The following LTBP2 variants were observed in gnomAD, a reference collection of about 807,000 sequenced individuals.
The protein encoded by LTBP2 is latent-transforming growth factor beta-binding protein 2.
LTBP2 carries 103 observed loss-of-function variants against 210.6 expected under a neutral mutation model. That is an observed-to-expected ratio of 0.49 (90% CI 0.42 to 0.58). The LOEUF (loss-of-function observed/expected upper bound fraction) is 0.58, where lower values mean the gene tolerates loss of function less well. Among genes scored for constraint, LTBP2 ranks in the 20% least tolerant of loss-of-function variants. The pLI is 0.00. For synonymous variants in LTBP2, 1,007 were observed against 1,015.0 expected (o/e 0.99, Z 0.15); for missense variants, 2,313 against 2,494.5 (o/e 0.93, Z 1.55).
chr14:74,601,964 T>C (rs556854997), intron 2 of LTBP2, among the ~76,000 whole-genome samples: 43 of 152,258 alleles, frequency 2.8e-4, no homozygotes, highest in African/African-American at 1.0e-3. Context: ...GGCAGTCACC[T>C]GAAGGATAGT....
At chr14:74,519,659 G>C (rs1242753868) in intron 17 of LTBP2, among the ~76,000 whole-genome samples, 1 of 152,116 alleles carries the variant, frequency 6.6e-6, no homozygotes, top group African/African-American at 2.4e-5. Flanking sequence ...TGGTACCCAA[G>C]CCCCACTGGG....
At chr14:74,526,537 C>G (rs2139716078) in intron 13 of LTBP2, among the ~76,000 whole-genome samples, 1 of 152,310 alleles carries the variant, frequency 6.6e-6, no homozygotes, top group East Asian at 1.9e-4. Context: ...TGTCCCTCAA[C>G]ATAGCCAGTG....
At chr14:74,599,536 G>A (rs766018946) in intron 2 of LTBP2, among the ~76,000 whole-genome samples, 5 of 152,230 alleles carry the variant, frequency 3.3e-5, no homozygotes, top group Non-Finnish European at 5.9e-5. Context: ...GGCAGGGCCC[G>A]GCAGGCCGCA....
At chr14:74,545,280 C>T (rs954213308) in intron 8 of LTBP2, among the ~76,000 whole-genome samples, 2 of 152,192 alleles carry the variant, frequency 1.3e-5, no homozygotes, top group African/African-American at 2.4e-5. Context: ...CCATTTTCCT[C>T]ATCCATCAAA....
chr14:74,576,157 A>G (rs368427715), intron 3 of LTBP2, among the ~76,000 whole-genome samples: 38 of 152,292 alleles, frequency 2.5e-4, no homozygotes, highest in African/African-American at 9.1e-4. Flanking sequence ...AGGAAGCACC[A>G]CCTGTTGGGA....
intron 1 of LTBP2, 42 bp downstream of exon 1, chr14:74,611,409 G>T: frequency 7.1e-7 from 1 of 1,417,844 alleles, no homozygotes. Context: ...ATGAGCCCTG[G>T]CTCCCCTCTG....
Position 74,560,629 on chromosome 14 carries a change from CCT to C in LTBP2, c.831-4938_831-4937del, listed in dbSNP as rs1319403500. Among the ~76,000 whole-genome samples, 5 of 152,238 alleles carry C rather than the reference CCT, an allele frequency of 3.3e-5. No individual in the cohort carries two copies. In the South Asian group the frequency reaches 6.2e-4, roughly 19 times the overall value. ...ACCCTCACCCTAGCCTGGCTGCTCT[CCT>C]CTATTTACTTCATAAATCGGGCTTC... On this transcript the variant is annotated intron_variant, in intron 3 of 35. Coordinates refer to ENST00000261978, the MANE Select transcript of LTBP2 (RefSeq NM_000428.3).
intron 28 of LTBP2, 77 bp from the exon 29 acceptor site, chr14:74,505,251 A>G: frequency 2.0e-6 from 3 of 1,504,564 alleles, no homozygotes; most frequent in Non-Finnish European, 2.7e-6. Flanking sequence ...TTTATTTCTT[A>G]AATTTAACAT....
intron 3 of LTBP2, among the ~76,000 whole-genome samples, chr14:74,557,959 G>T (rs934240154): frequency 3.9e-5 from 6 of 152,174 alleles, no homozygotes; most frequent in African/African-American, 1.4e-4. Context: ...TCCCCCAGTA[G>T]GTCCCATGCC....
chr14:74,563,171 A>C (rs182273254), intron 3 of LTBP2, among the ~76,000 whole-genome samples: 1 of 152,090 alleles, frequency 6.6e-6, no homozygotes, highest in Non-Finnish European at 1.5e-5. Context: ...TCTATCCTCA[A>C]TCAGGTCAAA....
At chr14:74,506,550 A>C in intron 27 of LTBP2, 148 bp downstream of exon 27, 1 of 1,299,816 alleles carries the variant, frequency 7.7e-7, no homozygotes, top group Non-Finnish European at 1.1e-6. Flanking sequence ...CTGGGCGAGG[A>C]GTTGAAGTCT....
At chr14:74,567,417 G>A (rs913635614) in intron 3 of LTBP2, among the ~76,000 whole-genome samples, 3 of 152,184 alleles carry the variant, frequency 2.0e-5, no homozygotes, top group African/African-American at 4.8e-5. Flanking sequence ...GAGCCAGAGC[G>A]AGCTGCCTGG....
chr14:74,503,729 C>T, intron 31 of LTBP2, 123 bp from the exon 32 acceptor site: 9 of 1,391,630 alleles, frequency 6.5e-6, no homozygotes, highest in Non-Finnish European at 8.5e-6. Flanking sequence ...CCCCTCAACC[C>T]AGCCCAGCCT....
intron 1 of LTBP2, among the ~76,000 whole-genome samples, chr14:74,604,027 T>C (rs1042771445): frequency 5.9e-5 from 9 of 151,930 alleles, no homozygotes; most frequent in African/African-American, 1.9e-4. Context: ...ACAATGACAG[T>C]GATCCTAAAG....
chr14:74,533,819 C>T (rs552999865), intron 9 of LTBP2, among the ~76,000 whole-genome samples: 32 of 152,324 alleles, frequency 2.1e-4, no homozygotes, highest in African/African-American at 7.7e-4. Flanking sequence ...TCAGCCCTCA[C>T]AATCTAAGAT....
chr14:74,531,985 C>T (rs1028136324), intron 10 of LTBP2, among the ~76,000 whole-genome samples: 3 of 152,190 alleles, frequency 2.0e-5, no homozygotes, highest in Non-Finnish European at 4.4e-5. Context: ...TGTGGAAAGG[C>T]CCTCGGGTCG....
chr14:74,515,982 AG>A (rs1595247295), intron 18 of LTBP2, among the ~76,000 whole-genome samples: 1 of 152,236 alleles, frequency 6.6e-6, no homozygotes, highest in African/African-American at 2.4e-5. Context: ...TGGGAAGGGA[AG>A]CTGTCCTTTC....
chr14:74,509,181 A>G (rs2087035205), intron 22 of LTBP2, 57 bp downstream of exon 22: 3 of 1,612,268 alleles, frequency 1.9e-6, no homozygotes, highest in South Asian at 2.2e-5. Context: ...GGGCTTCACC[A>G]TGGCCCTGAC....
intron 2 of LTBP2, among the ~76,000 whole-genome samples, chr14:74,600,643 G>C (rs538818963): frequency 1.3e-5 from 2 of 152,014 alleles, no homozygotes; most frequent in African/African-American, 2.4e-5. Flanking sequence ...CTGGGGAAAG[G>C]CCCACCCCCT....
Sources: gnomAD v4.1 joint callset for allele counts (sites outside exome capture counted in the v4.1 genomes callset) on GRCh38, gnomAD v4.1.1 for gene constraint, MANE v1.5 for transcripts, NCBI Gene and HGNC (gene_info 2026-07-23, HGNC 2026-07-21) for gene names.